Variants in SLC30A8 observed in about 807,000 individuals in gnomAD.
The protein encoded by SLC30A8 is solute carrier family 30 member 8.
A neutral mutation model predicts 36.9 loss-of-function variants in SLC30A8; 27 were observed. That is an observed-to-expected ratio of 0.73 (90% CI 0.54 to 1.01). SLC30A8 has a LOEUF of 1.01. SLC30A8 is among the 50% of genes least tolerant of loss of function. The pLI, the probability that SLC30A8 is intolerant of heterozygous loss-of-function variation, is 0.00. For synonymous variants in SLC30A8, 164 were observed against 172.4 expected, an observed-to-expected ratio of 0.95 and a Z score of 0.38; for missense variants, 439 against 452.0, an observed-to-expected ratio of 0.97 and a Z score of 0.26.
At chr8:117,136,672 C>T in intron 1 of SLC30A8, among the ~76,000 whole-genome samples, 1 of 151,792 alleles carries the variant, frequency 6.6e-6, no homozygotes, top group East Asian at 1.9e-4. Flanking sequence ...AAAAACAAAG[C>T]CTTGTGGTAA....
At chr8:116,967,544 C>A (rs1352799132) in intron 1 of SLC30A8, among the ~76,000 whole-genome samples, 1 of 152,168 alleles carries the variant, frequency 6.6e-6, no homozygotes, top group Non-Finnish European at 1.5e-5. Flanking sequence ...TCAAGTCGAA[C>A]TGTATTTTCC....
intron 1 of SLC30A8, among the ~76,000 whole-genome samples, chr8:117,025,613 G>A (rs891573859): frequency 6.6e-6 from 1 of 152,190 alleles, no homozygotes; most frequent in Non-Finnish European, 1.5e-5. Context: ...CTTATTTCCA[G>A]TTCCATTCAT....
At chr8:117,062,020 T>C (rs1818035806) in intron 2 of SLC30A8, among the ~76,000 whole-genome samples, 1 of 152,164 alleles carries the variant, frequency 6.6e-6, no homozygotes, top group South Asian at 2.1e-4. Context: ...CCTTCATGCT[T>C]TTCCCCACAT....
intron 3 of SLC30A8, among the ~76,000 whole-genome samples, chr8:117,154,644 G>A (rs959254322): frequency 2.6e-5 from 4 of 152,230 alleles, no homozygotes; most frequent in African/African-American, 9.6e-5. Context: ...AACGTGATCT[G>A]AGAATGTTTT....
chr8:117,151,238 C>T (rs1267540201), intron 2 of SLC30A8, among the ~76,000 whole-genome samples: 1 of 152,186 alleles, frequency 6.6e-6, no homozygotes, highest in East Asian at 1.9e-4. Flanking sequence ...TCTCTGATCC[C>T]TTAGCCCATT....
chr8:117,020,599 GA>G (rs1276684405), intron 1 of SLC30A8, among the ~76,000 whole-genome samples: 1 of 151,932 alleles, frequency 6.6e-6, no homozygotes, highest in Middle Eastern at 3.2e-3. Context: ...CCATTGCTGT[GA>G]AAAAAAGAAC....
chr8:117,161,434 C>T (rs1391235436), intron 4 of SLC30A8, among the ~76,000 whole-genome samples: 1 of 151,950 alleles, frequency 6.6e-6, no homozygotes, highest in Non-Finnish European at 1.5e-5. Context: ...TTCCTCCCTT[C>T]ATTATCAAAT....
intron 2 of SLC30A8, among the ~76,000 whole-genome samples, chr8:117,086,655 G>A (rs1383408741): frequency 3.3e-5 from 5 of 152,112 alleles, no homozygotes; most frequent in Non-Finnish European, 5.9e-5. Context: ...AGCTGCCAAG[G>A]TGTATTCTTC....
intron 2 of SLC30A8, among the ~76,000 whole-genome samples, chr8:117,148,211 G>A (rs773491124): frequency 2.2e-4 from 33 of 151,894 alleles, no homozygotes; most frequent in Non-Finnish European, 3.4e-4. Flanking sequence ...TGAGAAGATA[G>A]CTTTTTTGTT....
At chr8:117,089,521 T>C (rs1040368752) in intron 2 of SLC30A8, among the ~76,000 whole-genome samples, 1 of 152,212 alleles carries the variant, frequency 6.6e-6, no homozygotes, top group African/African-American at 2.4e-5. Flanking sequence ...CTTATGTTTG[T>C]ACTTTTTAAT....
At chr8:117,060,555 A>G (rs1309036919) in intron 2 of SLC30A8, among the ~76,000 whole-genome samples, 1 of 152,158 alleles carries the variant, frequency 6.6e-6, no homozygotes, top group African/African-American at 2.4e-5. Context: ...TAAAAATTTT[A>G]TTACCTGCTA....
chr8:117,010,664 G>A (rs566565322), intron 1 of SLC30A8, among the ~76,000 whole-genome samples: 28 of 152,308 alleles, frequency 1.8e-4, no homozygotes, highest in African/African-American at 6.7e-4. Context: ...CTGAGACTGG[G>A]TAATTTACAA....
intron 1 of SLC30A8, among the ~76,000 whole-genome samples, chr8:117,139,623 A>G (rs568687305): frequency 6.6e-6 from 1 of 152,238 alleles, no homozygotes; most frequent in Non-Finnish European, 1.5e-5. Context: ...AAAACCATAG[A>G]GCAACAATTC....
intron 2 of SLC30A8, among the ~76,000 whole-genome samples, chr8:117,047,532 C>A (rs994708091): frequency 6.6e-6 from 1 of 152,108 alleles, no homozygotes; most frequent in African/African-American, 2.4e-5. Flanking sequence ...TGACTGACAT[C>A]AACTCCCAAG....
chr8:117,095,248 G>A (rs116680843), intron 2 of SLC30A8, among the ~76,000 whole-genome samples: 4,992 of 152,244 alleles, frequency 0.033, 189 homozygotes, highest in African/African-American at 0.097. Flanking sequence ...TAGATGGGCC[G>A]CTGCTGTCAT....
At position 117,149,155 on chromosome 8, in the gene SLC30A8, A is replaced by G. The variant is rs928807233; in HGVS notation, c.271+2002A>G. On this transcript the variant is annotated intron_variant, in intron 2 of 7. Coordinates refer to ENST00000456015, the MANE Select transcript of SLC30A8 (RefSeq NM_173851.3). Reference sequence around the variant, plus strand: ...CTTCTTGAAGGGTTAAGTGTTTTGTATTATGTTAATGAAATGTTTCTTTGT... The same window carrying G: ...CTTCTTGAAGGGTTAAGTGTTTTGTGTTATGTTAATGAAATGTTTCTTTGT... 2.0e-5 allele frequency among the ~76,000 whole-genome samples: 3 copies of G among 152,224 alleles called. No homozygotes were observed. In the East Asian group the frequency reaches 5.8e-4, roughly 29 times the overall value.
chr8:117,159,728 A>T (rs1040140394), intron 4 of SLC30A8, among the ~76,000 whole-genome samples: 2 of 152,206 alleles, frequency 1.3e-5, no homozygotes, highest in African/African-American at 2.4e-5. Flanking sequence ...TAAGGAGAAC[A>T]ATATGGTCTT....
intron 1 of SLC30A8, among the ~76,000 whole-genome samples, chr8:116,988,945 G>A (rs963483080): frequency 6.6e-6 from 1 of 152,104 alleles, no homozygotes; most frequent in African/African-American, 2.4e-5. Flanking sequence ...TCCTCTTGTA[G>A]GGTATAAATT....
chr8:117,170,273 T>C (rs898849691), intron 6 of SLC30A8, among the ~76,000 whole-genome samples: 1 of 152,174 alleles, frequency 6.6e-6, no homozygotes, highest in Non-Finnish European at 1.5e-5. Context: ...AGAAATTTCC[T>C]TTTAGGTCTG....
Sources: gnomAD v4.1 joint callset for allele counts (sites outside exome capture counted in the v4.1 genomes callset) on GRCh38, gnomAD v4.1.1 for gene constraint, MANE v1.5 for transcripts, NCBI Gene and HGNC (gene_info 2026-07-23, HGNC 2026-07-21) for gene names.